The following SLC5A1 variants were observed in gnomAD, a reference collection of about 807,000 sequenced individuals.
SLC5A1 encodes the protein sodium/glucose cotransporter 1.
A neutral mutation model predicts 73.5 loss-of-function variants in SLC5A1; 42 were observed. The ratio of observed to expected loss-of-function variants is 0.57; its 90% confidence interval spans 0.45 to 0.74. SLC5A1 has a LOEUF of 0.74. Among genes scored for constraint, SLC5A1 ranks in the 30% least tolerant of loss-of-function variants. SLC5A1 has a pLI of 0.00. For missense variants in SLC5A1, 634 were observed against 855.4 expected (o/e 0.74, Z 3.23); for synonymous variants, 300 against 317.4 (o/e 0.95, Z 0.58).
intron 11 of SLC5A1, among the ~76,000 whole-genome samples, chr22:32,094,612 T>A (rs961009401): frequency 2.0e-5 from 3 of 152,224 alleles, no homozygotes; most frequent in African/African-American, 7.2e-5. Flanking sequence ...CTCTAGGTTT[T>A]CTGGTTTATG....
At chr22:32,092,858 G>C (rs942727907) in intron 11 of SLC5A1, among the ~76,000 whole-genome samples, 1 of 152,218 alleles carries the variant, frequency 6.6e-6, no homozygotes, top group African/African-American at 2.4e-5. Context: ...TTGGGTTCTT[G>C]GTCGTGAACT....
chr22:32,074,966 G>A (rs1239030458), intron 5 of SLC5A1, among the ~76,000 whole-genome samples: 1 of 151,982 alleles, frequency 6.6e-6, no homozygotes, highest in East Asian at 1.9e-4. Flanking sequence ...GCATGATCAT[G>A]GGTCAATGCA....
intron 5 of SLC5A1, among the ~76,000 whole-genome samples, chr22:32,073,898 T>G (rs1320036573): frequency 6.6e-6 from 1 of 152,206 alleles, no homozygotes. Flanking sequence ...AGGCCTGGGC[T>G]TTCCCATTTT....
chr22:32,076,743 A>T (rs1310964773), intron 5 of SLC5A1, among the ~76,000 whole-genome samples: 3 of 152,242 alleles, frequency 2.0e-5, no homozygotes, highest in Non-Finnish European at 4.4e-5. Context: ...GACAGCAAAC[A>T]CACACATATA....
chr22:32,097,797 T>C (rs2094028741), intron 11 of SLC5A1, among the ~76,000 whole-genome samples: 1 of 152,202 alleles, frequency 6.6e-6, no homozygotes, highest in Admixed American at 6.5e-5. Flanking sequence ...TTTATCGGAA[T>C]TTAAAACTTG....
chr22:32,105,602 CTT>C (rs1227643903), intron 14 of SLC5A1, among the ~76,000 whole-genome samples: 1 of 152,162 alleles, frequency 6.6e-6, no homozygotes, highest in East Asian at 1.9e-4. Context: ...GCCTTGCACT[CTT>C]AATTTTAAAA....
At chr22:32,062,600 T>TA (rs1282137775) in intron 2 of SLC5A1, among the ~76,000 whole-genome samples, 1 of 152,044 alleles carries the variant, frequency 6.6e-6, no homozygotes, top group Non-Finnish European at 1.5e-5. Context: ...AAATTTTAGA[T>TA]AAAGTCTGAA....
At chr22:32,102,291 C>T (rs2094037969) in intron 13 of SLC5A1, 54 bp downstream of exon 13, 1 of 1,374,214 alleles carries the variant, frequency 7.3e-7, no homozygotes, top group Non-Finnish European at 1.0e-6. Flanking sequence ...CTGCAATGTT[C>T]TTTAATTTTT....
intron 11 of SLC5A1, among the ~76,000 whole-genome samples, chr22:32,098,684 A>C (rs2094030244): frequency 1.3e-5 from 2 of 152,232 alleles, no homozygotes; most frequent in African/African-American, 4.8e-5. Context: ...AGCTTCAAGC[A>C]TACATTTTTA....
chr22:32,095,080 T>A (rs1342688708), intron 11 of SLC5A1, among the ~76,000 whole-genome samples: 1 of 152,192 alleles, frequency 6.6e-6, no homozygotes, highest in Non-Finnish European at 1.5e-5. Flanking sequence ...AAAATTTCCA[T>A]CTTGATTTCA....
At chr22:32,079,949 C>T (rs1413524673) in intron 5 of SLC5A1, among the ~76,000 whole-genome samples, 7 of 152,144 alleles carry the variant, frequency 4.6e-5, no homozygotes, top group Non-Finnish European at 8.8e-5. Flanking sequence ...GTCCAGAACC[C>T]GGGAGAAGAA....
intron 2 of SLC5A1, among the ~76,000 whole-genome samples, chr22:32,056,042 G>GT (rs971114840): frequency 3.3e-5 from 5 of 152,108 alleles, no homozygotes; most frequent in African/African-American, 1.2e-4. Context: ...TTGTTTGTTT[G>GT]TTTTTTGAGA....
intron 5 of SLC5A1, among the ~76,000 whole-genome samples, chr22:32,071,141 T>C (rs1231226999): frequency 6.6e-6 from 1 of 152,106 alleles, no homozygotes; most frequent in Admixed American, 6.6e-5. Context: ...CACAAAGTGT[T>C]CTTGAAATGT....
In SLC5A1 at chr22:32,106,497, A is replaced by G. The variant is rs565255718; in HGVS notation, c.1771+1606A>G. ...CTTGATTTGAGGAATGGCCAGGGAT[A>G]AGAGAAGAGTTGGAGCTCTTCTGAC... On this transcript the variant is annotated intron_variant, in intron 14 of 14. Coordinates refer to ENST00000266088, the MANE Select transcript of SLC5A1 (RefSeq NM_000343.4). 7.3e-4 allele frequency among the ~76,000 whole-genome samples: 111 copies of G among 152,330 alleles called. 1 individual carries two copies. The South Asian group carries it at 0.014, about 19-fold the overall frequency.
intron 5 of SLC5A1, among the ~76,000 whole-genome samples, chr22:32,075,170 C>T (rs897091723): frequency 1.3e-5 from 2 of 151,356 alleles, no homozygotes; most frequent in African/African-American, 2.4e-5. Context: ...CCTTGACCTC[C>T]CAAAGTGCTG....
intron 1 of SLC5A1, among the ~76,000 whole-genome samples, chr22:32,046,087 G>A (rs4821027): frequency 0.045 from 6,824 of 152,174 alleles, 205 homozygotes; most frequent in Non-Finnish European, 0.07. Flanking sequence ...CATTTGAACC[G>A]ACAGCATCAC....
chr22:32,110,420 G>A lies in SLC5A1; in HGVS notation c.*207G>A. 2 of 608,694 alleles carry A rather than the reference G, an allele frequency of 3.3e-6. No homozygotes were observed. Among genetic ancestry groups the A allele is most frequent in the Non-Finnish European group, 6.0e-6 (2 of 335,880 alleles). 37.7% of individuals were successfully genotyped at this position (608,694 alleles called of 1,614,324 possible). A position where few individuals can be genotyped will look rare whatever the true frequency, so the allele number is the denominator to read the frequency against. On this transcript the variant is annotated 3_prime_UTR_variant, in exon 15 of 15. Transcript: ENST00000266088. ...TGAAGCCAGTGTGATACAGCCATCT[G>A]TACCTACTGGAGCTGCAGAAGGGAA...
chr22:32,068,002 T>C lies in SLC5A1; in HGVS notation c.348T>C (p.Phe116=). The change falls in exon 4 of 15, where the codon TTT becomes TTC. Residue 116 remains phenylalanine (F), a synonymous_variant. Coordinates refer to ENST00000266088, the MANE Select transcript of SLC5A1 (RefSeq NM_000343.4). ...LVLVVVLGWL[F]VPIYIKAGVV... is the part of the protein sequence containing the mutation. ...TGGTGGTTGTGCTGGGCTGGCTGTTTGTCCCCATCTATATTAAGGCTGGGG... is the reference window on the plus strand; with the variant it reads ...TGGTGGTTGTGCTGGGCTGGCTGTTCGTCCCCATCTATATTAAGGCTGGGG... 1 of 1,614,188 alleles carries C rather than the reference T, an allele frequency of 6.2e-7. No homozygotes were observed. Among genetic ancestry groups the C allele is most frequent in the Non-Finnish European group, 8.5e-7 (1 of 1,180,018 alleles).
At chr22:32,091,499 G>C in intron 10 of SLC5A1, 113 bp from the exon 11 acceptor site, 1 of 1,212,602 alleles carries the variant, frequency 8.2e-7, no homozygotes, top group Non-Finnish European at 1.2e-6. Flanking sequence ...ACAGAAATTG[G>C]ATAACATGGC....
Sources: gnomAD v4.1 joint callset for allele counts (sites outside exome capture counted in the v4.1 genomes callset) on GRCh38, gnomAD v4.1.1 for gene constraint, MANE v1.5 for transcripts, NCBI Gene and HGNC (gene_info 2026-07-23, HGNC 2026-07-21) for gene names.